LOXL3: variants seen among roughly 807,000 people sequenced by gnomAD.
LOXL3 encodes lysyl oxidase like 3.
LOXL3 carries 60 observed loss-of-function variants against 91.8 expected under a neutral mutation model. The ratio of observed to expected loss-of-function variants is 0.65; its 90% CI spans 0.53 to 0.81. The LOEUF is 0.81. LOXL3 is among the 30% of genes least tolerant of loss of function. The pLI, the probability that LOXL3 is intolerant of heterozygous loss-of-function variation, is 0.00. For missense variants in LOXL3, 874 were observed against 1,000.4 expected, an observed-to-expected ratio of 0.87 and a Z score of 1.70; for synonymous variants, 355 against 387.6, an observed-to-expected ratio of 0.92 and a Z score of 0.99.
At chr2:74,544,695 C>T (rs1198801350) in intron 4 of LOXL3, among the ~76,000 whole-genome samples, 1 of 152,214 alleles carries the variant, frequency 6.6e-6, no homozygotes, top group Non-Finnish European at 1.5e-5. Flanking sequence ...ATGATTAATA[C>T]ATCAGGTTTT....
Position 74,536,933 on chromosome 2 carries a change from G to A in LOXL3, c.693-5C>T. The A allele has an allele frequency of 6.2e-7, 1 of 1,613,610 alleles. No individual in the cohort carries two copies. Among genetic ancestry groups the A allele is most frequent in the Non-Finnish European group, 8.5e-7 (1 of 1,179,664 alleles). On this transcript the variant is annotated splice_region_variant and splice_polypyrimidine_tract_variant and intron_variant, in intron 4 of 13. Coordinates refer to ENST00000264094, the MANE Select transcript of LOXL3 (RefSeq NM_032603.5). The surrounding 1 kb of genome is among the most constrained non-coding windows in gnomAD (Gnocchi z 4.5). ...TGCTGCCGTTGGGCTAGCAGCCTAG[G>A]GGGACAGGAGTGAGGTGCAGTAGGG... is the stretch of plus-strand genomic sequence containing the variant.
chr2:74,547,726 A>G (rs1237540640), intron 4 of LOXL3, among the ~76,000 whole-genome samples: 4 of 152,100 alleles, frequency 2.6e-5, no homozygotes, highest in East Asian at 1.9e-4. Context: ...CAATCTACAC[A>G]TAAGTAATAT....
At position 74,536,000 on chromosome 2, in the gene LOXL3, G is replaced by T; in HGVS notation, c.1244C>A (p.Thr415Asn). The change falls in exon 7 of 14, where the codon ACC becomes AAC. Residue 415 changes from threonine to asparagine, a missense_variant. Physicochemically the swap from Thr to Asn is moderately conservative, Grantham distance 65. Coordinates refer to ENST00000264094, the MANE Select transcript of LOXL3 (RefSeq NM_032603.5). The surrounding 1 kb of genome is among the most constrained non-coding windows in gnomAD (Gnocchi z 4.2). The stretch of plus-strand genomic sequence containing the variant: ...AAGGTAGAGAGGATGACTGACCCTG[G>T]TCTCTGCCCCAGTGTAAGGTAGGTT... ...RCNLPYTGAE[T>N]RIRLSGGRSQ... is the part of the protein sequence containing the mutation. 6.4e-7 allele frequency: 1 copy of T among 1,570,806 alleles called. No homozygotes were observed.
intron 9 of LOXL3, 64 bp from the exon 10 acceptor site, chr2:74,534,838 A>G: frequency 6.4e-7 from 1 of 1,561,198 alleles, no homozygotes; most frequent in Non-Finnish European, 8.8e-7. Context: ...GGGTGCTTCC[A>G]TCCCTCCCTA....
At chr2:74,537,185 G>A (rs1373152084) in intron 4 of LOXL3, among the ~76,000 whole-genome samples, 2 of 152,208 alleles carry the variant, frequency 1.3e-5, no homozygotes, top group Non-Finnish European at 2.9e-5. Context: ...GAGAAGGATG[G>A]CTAGTCTCGA....
upstream of LOXL3, chr2:74,554,876 A>G (rs1390821527): frequency 6.2e-7 from 1 of 1,603,024 alleles, no homozygotes. This position sits in a 1 kb window ranked among gnomAD's most constrained non-coding sequence, Gnocchi z 4.9. Flanking sequence ...GAGCCCAGAA[A>G]CAGGGAGAGG....
chr2:74,533,059 G>A lies in LOXL3; in HGVS notation c.*547C>T, dbSNP rs1675741101. The stretch of plus-strand genomic sequence containing the variant: ...TTCTGGCTGAGGTTCTGAGGGCACC[G>A]AGACAGAGGGTTAAATGAACCAGTG... On this transcript the variant is annotated 3_prime_UTR_variant, in exon 14 of 14. Coordinates refer to ENST00000264094, the MANE Select transcript of LOXL3 (RefSeq NM_032603.5). The A allele has an allele frequency of 4.1e-6, 6 of 1,453,926 alleles. No individual in the cohort carries two copies. The highest frequency in any genetic ancestry group is 4.5e-5 in the East Asian group (2 of 44,162). The allele number at this position is 1,453,926 out of a possible 1,614,324, so 90.1% of individuals were successfully genotyped here.
In LOXL3 at chr2:74,553,882, C is replaced by G. The variant is rs1475049779; in HGVS notation, c.-19G>C. 1 of 151,630 alleles carries G rather than the reference C, an allele frequency of 6.6e-6. No individual in the cohort carries two copies. Among genetic ancestry groups the G allele is most frequent in the Non-Finnish European group, 1.5e-5 (1 of 68,176 alleles). The allele number at this position is 151,630 out of a possible 1,614,324, so 9.4% of individuals were successfully genotyped here. Reference sequence around the variant, plus strand: ...TTAGCGTGACTCCCCCTACCTTGGCCGAGCAGGACCCTAAGGGCTGGGAGA... The same window carrying G: ...TTAGCGTGACTCCCCCTACCTTGGCGGAGCAGGACCCTAAGGGCTGGGAGA... On this transcript the variant is annotated 5_prime_UTR_variant, in exon 1 of 14. Coordinates refer to ENST00000264094, the MANE Select transcript of LOXL3 (RefSeq NM_032603.5).
intron 1 of LOXL3, 42 bp from the exon 2 acceptor site, chr2:74,552,688 T>C: frequency 6.9e-7 from 1 of 1,447,774 alleles, no homozygotes; most frequent in South Asian, 1.4e-5. Flanking sequence ...AGAAACAGAT[T>C]GAGTGGGGCC....
rs1283202129 is a variant in LOXL3 at position 74,533,681 on chromosome 2, T to C, written c.2189-2A>G. 6.2e-7 allele frequency: 1 copy of C among 1,613,906 alleles called. No homozygotes were observed. Among genetic ancestry groups the C allele is most frequent in the East Asian group, 2.2e-5 (1 of 44,864 alleles). ...TGGCCTCTTCACTGAAGGCATCACC[T>C]GCAGAGTGGACAGGCAATTTGGGAG... is the stretch of plus-strand genomic sequence containing the variant. On this transcript the variant is annotated splice_acceptor_variant, in intron 13 of 13. Transcript: ENST00000264094. LOFTEE classifies it high-confidence loss of function.
upstream of LOXL3, chr2:74,554,548 G>A (rs545634407): frequency 6.9e-6 from 4 of 582,004 alleles, no homozygotes; most frequent in South Asian, 8.3e-5. The surrounding 1 kb of genome is among the most constrained non-coding windows in gnomAD (Gnocchi z 4.9). Context: ...ACGACGGCGG[G>A]TAGGGGCCTG....
At chr2:74,555,524 C>T (rs758933314), upstream of LOXL3, 20 of 1,613,202 alleles carry the variant, frequency 1.2e-5, no homozygotes, top group East Asian at 2.2e-5. The surrounding 1 kb of genome is among the most constrained non-coding windows in gnomAD (Gnocchi z 6.1). Context: ...TCAGACCGAC[C>T]CCCGCTCCCC....
At chr2:74,533,825 T>A in intron 13 of LOXL3, 57 bp downstream of exon 13, 1 of 1,497,364 alleles carries the variant, frequency 6.7e-7, no homozygotes. Flanking sequence ...GAAAAGAGAA[T>A]GAACGTCTTT....
intron 4 of LOXL3, among the ~76,000 whole-genome samples, chr2:74,541,911 C>A (rs540655030): frequency 3.3e-5 from 5 of 151,950 alleles, no homozygotes; most frequent in African/African-American, 9.7e-5. Flanking sequence ...AGGACCAGTG[C>A]TGTTATTTGT....
rs780089376 is a variant in LOXL3, at chr2:74,549,346, GC to G, written c.692+22del. 4 of 1,548,336 alleles carry G rather than the reference GC, an allele frequency of 2.6e-6. No homozygotes were observed. In the South Asian group the frequency reaches 4.7e-5, roughly 18 times the overall value. On this transcript the variant is annotated intron_variant, in intron 4 of 13. Transcript: ENST00000264094. The surrounding 1 kb of genome is among the most constrained non-coding windows in gnomAD (Gnocchi z 5.3). ...GAGCACCCCAATCCCGGCCTGCTCCGCCCGGCGCCCGCGGCCCCTCACCTGT... is the reference window on the plus strand; with the variant it reads ...GAGCACCCCAATCCCGGCCTGCTCCGCCGGCGCCCGCGGCCCCTCACCTGT...
rs757677826 is a variant in LOXL3, at chr2:74,536,668, C to G, written c.912+41G>C. The G allele has an allele frequency of 6.3e-7, 1 of 1,598,102 alleles. No homozygotes were observed. Among genetic ancestry groups the G allele is most frequent in the African/African-American group, 1.3e-5 (1 of 74,670 alleles). On this transcript the variant is annotated intron_variant, in intron 5 of 13. Transcript: ENST00000264094. The surrounding 1 kb of genome is among the most constrained non-coding windows in gnomAD (Gnocchi z 4.5). Reference sequence around the variant, plus strand: ...CTGGGGTTGCCAGGCTAGGGGTTCTCCACCTGGGGTGGGAAAGGTCATAAT... The same window carrying G: ...CTGGGGTTGCCAGGCTAGGGGTTCTGCACCTGGGGTGGGAAAGGTCATAAT...
chr2:74,552,717 G>A, intron 1 of LOXL3, 71 bp from the exon 2 acceptor site: 1 of 1,323,792 alleles, frequency 7.6e-7, no homozygotes, highest in Non-Finnish European at 1.0e-6. Context: ...GAAAGAGAGG[G>A]AGAAGTCACG....
chr2:74,544,518 T>C (rs1367866067), intron 4 of LOXL3, among the ~76,000 whole-genome samples: 1 of 152,178 alleles, frequency 6.6e-6, no homozygotes, highest in African/African-American at 2.4e-5. Context: ...CAAGCTGAAA[T>C]GAACTAGAAG....
At chr2:74,554,981 AG>A (rs1191309621), upstream of LOXL3, 1 of 1,403,946 alleles carries the variant, frequency 7.1e-7, no homozygotes, top group East Asian at 2.5e-5. The surrounding 1 kb of genome is among the most constrained non-coding windows in gnomAD (Gnocchi z 4.9). Context: ...TCTGTAGTCT[AG>A]GGGTTCTGGT....
Sources: allele counts gnomAD v4.1 joint callset (sites outside exome capture counted in the v4.1 genomes callset), GRCh38; gene constraint gnomAD v4.1.1; non-coding constraint Gnocchi (gnomAD v3.1); transcripts MANE v1.5; gene names NCBI Gene and HGNC (gene_info 2026-07-23, HGNC 2026-07-21).